The following C10orf71 variants were observed in gnomAD, a reference collection of about 807,000 sequenced individuals.
C10orf71 encodes chromosome 10 open reading frame 71.
For synonymous variants in C10orf71, 758 were observed against 726.3 expected, an observed-to-expected ratio of 1.04 and a Z score of -0.70; for missense variants, 1,869 against 1,804.5, an observed-to-expected ratio of 1.04 and a Z score of -0.65.
intron 1 of C10orf71, among the ~76,000 whole-genome samples, chr10:49,307,608 G>T (rs1848837549): frequency 6.6e-6 from 1 of 152,136 alleles, no homozygotes; most frequent in African/African-American, 2.4e-5. Flanking sequence ...GCGCACCAGA[G>T]CCCCCTGCAC....
chr10:49,319,525 C>T (rs937005821), intron 2 of C10orf71, among the ~76,000 whole-genome samples: 43 of 151,762 alleles, frequency 2.8e-4, no homozygotes, highest in African/African-American at 1.0e-3. Context: ...GGGTTATACC[C>T]AAAAGAATTG....
At chr10:49,304,341 T>C (rs372571213) in intron 1 of C10orf71, among the ~76,000 whole-genome samples, 10 of 152,322 alleles carry the variant, frequency 6.6e-5, no homozygotes, top group African/African-American at 2.4e-4. Context: ...GTGAGTTCCT[T>C]AACCTCTCTG....
In C10orf71 at chr10:49,326,020, C is replaced by A; in HGVS notation, c.3475C>A (p.Leu1159Ile). 6.4e-7 allele frequency: 1 copy of A among 1,551,722 alleles called. No homozygotes were observed. Residue 1159 changes from leucine (L) to isoleucine (I), a missense_variant, in exon 3 of 3, where the codon CTT becomes ATT. By Grantham distance (5) the Leu-to-Ile change is conservative (BLOSUM62 2). Coordinates refer to ENST00000374144, the MANE Select transcript of C10orf71 (RefSeq NM_001135196.2). ...SPAGTSGRLE[L>I]PAQLERTASK... is the part of the protein sequence containing the mutation. ...AGCAGGCACCTCTGGGAGACTTGAG[C>A]TTCCTGCACAGCTAGAGAGGACAGC...
rs1849276593 is a variant in C10orf71 at position 49,327,069 on chromosome 10, G to A, written c.*216G>A. On this transcript the variant is annotated 3_prime_UTR_variant, in exon 3 of 3. Coordinates refer to ENST00000374144, the MANE Select transcript of C10orf71 (RefSeq NM_001135196.2). ...GCTCCCTGGCTCTCCTCTGATGGAG[G>A]GGCACTGCTTGCTTGGCCCGGTCCC... The A allele has an allele frequency of 2.6e-6, 4 of 1,511,214 alleles. No homozygotes were observed. Among genetic ancestry groups the A allele is most frequent in the African/African-American group, 1.4e-5 (1 of 73,000 alleles). The allele number at this position is 1,511,214 out of a possible 1,614,324, so 93.6% of individuals were successfully genotyped here.
At chr10:49,305,200 G>A (rs1411421215) in intron 1 of C10orf71, among the ~76,000 whole-genome samples, 3 of 152,156 alleles carry the variant, frequency 2.0e-5, no homozygotes, top group Admixed American at 2.0e-4. Flanking sequence ...AGAACCAGGA[G>A]TATGGAGGCT....
intron 2 of C10orf71, among the ~76,000 whole-genome samples, chr10:49,319,304 A>G (rs1198144255): frequency 1.3e-5 from 2 of 152,016 alleles, no homozygotes; most frequent in Non-Finnish European, 2.9e-5. Flanking sequence ...AGAGAATGTT[A>G]TGTAGCACCA....
chr10:49,305,674 G>A (rs1035676114), intron 1 of C10orf71, among the ~76,000 whole-genome samples: 10 of 152,300 alleles, frequency 6.6e-5, no homozygotes, highest in Non-Finnish European at 1.5e-4. Flanking sequence ...TGCCACCAGC[G>A]GGTGGGGTCT....
chr10:49,308,714 G>C (rs555812994), intron 1 of C10orf71, among the ~76,000 whole-genome samples: 2 of 152,338 alleles, frequency 1.3e-5, no homozygotes, highest in African/African-American at 4.8e-5. Context: ...ACCAAAACTG[G>C]TGACGTGAAG....
upstream of C10orf71, among the ~76,000 whole-genome samples, chr10:49,297,866 T>C (rs779891028): frequency 1.3e-5 from 2 of 152,156 alleles, no homozygotes; most frequent in Non-Finnish European, 2.9e-5. Flanking sequence ...GGGGTTCACT[T>C]TGGGCCTCCC....
Position 49,322,648 on chromosome 10 carries a change from C to T in C10orf71, c.103C>T (p.Arg35Trp), listed in dbSNP as rs531432405. The T allele has an allele frequency of 2.7e-5, 44 of 1,613,328 alleles. No homozygotes were observed. The highest frequency in any genetic ancestry group is 3.5e-5 in the Non-Finnish European group (41 of 1,179,626). Residue 35 changes from arginine to tryptophan, a missense_variant, in exon 3 of 3, where the codon CGG becomes TGG. Arg to Trp is a moderately radical substitution (Grantham distance 101). Coordinates refer to ENST00000374144, the MANE Select transcript of C10orf71 (RefSeq NM_001135196.2). ...CAGGGAGGTGAGCAGCCTAACAGAC[C>T]GGGCATTCCGGAGTTTGTGCATCTC... The part of the protein sequence containing the change: ...ADREVSSLTD[R>W]AFRSLCISED...
Position 49,322,959 on chromosome 10 carries a change from G to A in C10orf71, c.414G>A (p.Lys138=). The change falls in exon 3 of 3, where the codon AAG becomes AAA. Residue 138 remains lysine (K), a synonymous_variant. Coordinates refer to ENST00000374144, the MANE Select transcript of C10orf71 (RefSeq NM_001135196.2). ...VPVSGLRSSN[K]PVSKVSTLIK... The stretch of plus-strand genomic sequence containing the variant: ...TTTCCGGCCTAAGGAGCAGCAATAA[G>A]CCTGTCTCCAAAGTATCAACACTAA... The A allele has an allele frequency of 6.2e-7, 1 of 1,614,012 alleles. No individual in the cohort carries two copies. The highest frequency in any genetic ancestry group is 2.2e-5 in the East Asian group (1 of 44,878).
rs1012662656 is a variant in C10orf71, at chr10:49,326,244, C to T, written c.3699C>T (p.Pro1233=). The T allele has an allele frequency of 5.8e-6, 9 of 1,550,638 alleles. No homozygotes were observed. In the East Asian group the frequency reaches 1.5e-4, roughly 25 times the overall value. The part of the protein sequence containing the change: ...CPRERPRHNF[P]VVRSLPPPVH... ...GAGAGAGGCCCCGACACAATTTCCC[C>T]GTGGTCCGTTCCCTGCCCCCTCCCG... is the stretch of plus-strand genomic sequence containing the variant. The change falls in exon 3 of 3, where the codon CCC becomes CCT. Residue 1233 remains proline (P), a synonymous_variant. Coordinates refer to ENST00000374144, the MANE Select transcript of C10orf71 (RefSeq NM_001135196.2).
chr10:49,305,633 G>C (rs1238217246), intron 1 of C10orf71, among the ~76,000 whole-genome samples: 1 of 152,198 alleles, frequency 6.6e-6, no homozygotes, highest in Admixed American at 6.5e-5. Context: ...ACATAAGCTA[G>C]AGCAGTAAGG....
rs1272275016 is a variant in C10orf71, at chr10:49,326,014, C to T, written c.3469C>T (p.Leu1157Phe). The T allele has an allele frequency of 4.5e-6, 7 of 1,551,698 alleles. No individual in the cohort carries two copies. In the South Asian group the frequency reaches 8.3e-5, roughly 18 times the overall value. The change falls in exon 3 of 3, where the codon CTT (leucine) becomes TTT (phenylalanine). Residue 1157 changes from leucine to phenylalanine, a missense_variant. Coordinates refer to ENST00000374144, the MANE Select transcript of C10orf71 (RefSeq NM_001135196.2). ...CAGCCCAGCAGGCACCTCTGGGAGACTTGAGCTTCCTGCACAGCTAGAGAG... is the reference window on the plus strand; with the variant it reads ...CAGCCCAGCAGGCACCTCTGGGAGATTTGAGCTTCCTGCACAGCTAGAGAG... ...ATSPAGTSGR[L>F]ELPAQLERTA...
In C10orf71 at chr10:49,324,377, G is replaced by C. The variant is rs376754325; in HGVS notation, c.1832G>C (p.Arg611Thr). 7 of 1,613,590 alleles carry C rather than the reference G, an allele frequency of 4.3e-6. No individual in the cohort carries two copies. The African/African-American group carries it at 6.7e-5, about 15-fold the overall frequency. Residue 611 changes from arginine to threonine, a missense_variant, in exon 3 of 3, where the codon AGA becomes ACA. By Grantham distance (71) the Arg-to-Thr change is moderately conservative. Coordinates refer to ENST00000374144, the MANE Select transcript of C10orf71 (RefSeq NM_001135196.2). Reference protein sequence around the residue: ...PFYVNGEAAERSSYENKEVEG... With the variant: ...PFYVNGEAAETSSYENKEVEG... ...TATGTCAATGGGGAGGCTGCTGAGA[G>C]AAGCAGTTATGAGAACAAGGAGGTG...
intron 1 of C10orf71, among the ~76,000 whole-genome samples, chr10:49,315,288 A>C (rs2132418351): frequency 6.6e-6 from 1 of 152,304 alleles, no homozygotes; most frequent in South Asian, 2.1e-4. Flanking sequence ...TCTTATGGAA[A>C]CCCCAAAGGT....
intron 1 of C10orf71, among the ~76,000 whole-genome samples, chr10:49,306,088 T>C (rs1482974459): frequency 6.6e-6 from 1 of 152,212 alleles, no homozygotes; most frequent in African/African-American, 2.4e-5. Flanking sequence ...AGGATGTGTA[T>C]GCCATTCACT....
rs867354143 is a variant in C10orf71 at position 49,323,954 on chromosome 10, C to T, written c.1409C>T (p.Ser470Leu). The T allele has an allele frequency of 1.9e-6, 3 of 1,613,876 alleles. No individual in the cohort carries two copies. Among genetic ancestry groups the T allele is most frequent in the Non-Finnish European group, 2.5e-6 (3 of 1,179,854 alleles). ...AGCCAGCCAGCAGAGCGAACCCCAT[C>T]ACCCCCAGGACAGCTAAACGGATAC... is the stretch of plus-strand genomic sequence containing the variant. ...ADSQPAERTP[S>L]PPGQLNGYQE... The change falls in exon 3 of 3, where the codon TCA (serine) becomes TTA (leucine). Residue 470 changes from serine to leucine, a missense_variant. Coordinates refer to ENST00000374144, the MANE Select transcript of C10orf71 (RefSeq NM_001135196.2).
rs1247006073 is a variant in C10orf71 at position 49,316,240 on chromosome 10, T to A, written c.-152T>A. The A allele has an allele frequency of 6.6e-6, 1 of 151,930 alleles. No individual in the cohort carries two copies. 9.4% of individuals were successfully genotyped at this position (151,930 alleles called of 1,614,324 possible). A position where few individuals can be genotyped will look rare whatever the true frequency, so the allele number is the denominator to read the frequency against. On this transcript the variant is annotated 5_prime_UTR_variant, in exon 2 of 3. Coordinates refer to ENST00000374144, the MANE Select transcript of C10orf71 (RefSeq NM_001135196.2). ...GGCAGGCACCTGCAGCTTCCAGTGCTGTAACAGGTATGGAACTAATCTAAG... is the reference window on the plus strand; with the variant it reads ...GGCAGGCACCTGCAGCTTCCAGTGCAGTAACAGGTATGGAACTAATCTAAG...
Sources: allele counts gnomAD v4.1 joint callset (sites outside exome capture counted in the v4.1 genomes callset), GRCh38; gene constraint gnomAD v4.1.1; transcripts MANE v1.5; gene names NCBI Gene and HGNC (gene_info 2026-07-23, HGNC 2026-07-21).